Variants in WDPCP observed in about 807,000 individuals in gnomAD.
The protein encoded by WDPCP is WD repeat-containing and planar cell polarity effector protein fritz homolog.
A neutral mutation model predicts 93.1 loss-of-function variants in WDPCP; 71 were observed. That is an observed-to-expected ratio of 0.76 (90% CI 0.63 to 0.93). The LOEUF is 0.93. WDPCP is among the 40% of genes least tolerant of loss of function. The probability of loss-of-function intolerance (pLI) is 0.00; values close to 1 mark genes in which losing one functional copy is unlikely to be tolerated. For missense variants in WDPCP, 844 were observed against 887.4 expected (o/e 0.95, Z 0.62); for synonymous variants, 315 against 315.0 (o/e 1.00, Z 0.00).
chr2:63,668,032 A>T (rs1010511997), intron 2 of WDPCP, among the ~76,000 whole-genome samples: 1 of 152,166 alleles, frequency 6.6e-6, no homozygotes, highest in Non-Finnish European at 1.5e-5. Flanking sequence ...TAAGGCAATG[A>T]GTGCTAATTC....
chr2:63,226,587 T>G (rs564247401), intron 14 of WDPCP, among the ~76,000 whole-genome samples: 1 of 151,944 alleles, frequency 6.6e-6, no homozygotes, highest in African/African-American at 2.4e-5. Context: ...TCCCAGCTAT[T>G]CCTTCTGCTT....
chr2:63,520,782 G>A (rs1030152254), intron 1 of WDPCP, among the ~76,000 whole-genome samples: 5 of 151,564 alleles, frequency 3.3e-5, no homozygotes, highest in Admixed American at 2.0e-4. Context: ...TGTGGTCCCA[G>A]CTACTCAGAA....
chr2:63,287,086 C>T (rs1417610045), intron 13 of WDPCP, among the ~76,000 whole-genome samples: 1 of 152,194 alleles, frequency 6.6e-6, no homozygotes, highest in Non-Finnish European at 1.5e-5. Flanking sequence ...CATGGTCTTA[C>T]TTCTGTGCAC....
chr2:63,563,421 G>T (rs4671516), intron 1 of WDPCP, among the ~76,000 whole-genome samples: 122,031 of 151,696 alleles, frequency 0.8, 49,761 homozygotes, highest in East Asian at 0.98. Flanking sequence ...TCACTGATTA[G>T]AGGTTCTTCA....
intron 1 of WDPCP, among the ~76,000 whole-genome samples, chr2:63,538,948 A>G (rs1704511814): frequency 6.6e-6 from 1 of 152,188 alleles, no homozygotes; most frequent in Admixed American, 6.5e-5. Context: ...AAATATTTTC[A>G]AAACAATATA....
chr2:63,318,365 T>G lies in WDPCP; in HGVS notation c.1749-5054A>C, dbSNP rs572451119. On this transcript the variant is annotated intron_variant, in intron 12 of 17. Transcript: ENST00000272321. The stretch of plus-strand genomic sequence containing the variant: ...CTGTGGAAAGCAGTTTGGAGATTTC[T>G]CAAAGAACTTAAAACAGAACTACTA... Among the ~76,000 whole-genome samples, 4 of 152,294 alleles carry G rather than the reference T, an allele frequency of 2.6e-5. No homozygotes were observed. In the South Asian group the frequency reaches 8.3e-4, roughly 32 times the overall value.
intron 2 of WDPCP, 39 bp downstream of exon 2, chr2:63,492,817 T>C: frequency 6.4e-7 from 1 of 1,572,566 alleles, no homozygotes; most frequent in South Asian, 1.1e-5. Flanking sequence ...TGGTGTAACA[T>C]ATTTGAAAAA....
At chr2:63,592,783 A>G (rs1284846853), upstream of WDPCP, among the ~76,000 whole-genome samples, 1 of 152,214 alleles carries the variant, frequency 6.6e-6, no homozygotes, top group Non-Finnish European at 1.5e-5. Context: ...AGCAAATACC[A>G]GAGTTCCAAC....
At chr2:63,708,818 G>T (rs1669212621) in intron 2 of WDPCP, among the ~76,000 whole-genome samples, 1 of 151,820 alleles carries the variant, frequency 6.6e-6, no homozygotes, top group South Asian at 2.1e-4. Context: ...CATCGTGTTA[G>T]CCAGAATGGT....
intron 14 of WDPCP, chr2:63,228,387 C>CTTTTTTTTTTTTTTTT: frequency 1.8e-5 from 2 of 110,430 alleles, no homozygotes; most frequent in African/African-American, 3.5e-5. Flanking sequence ...TTTTCTTTTT[C>CTTTTTTTTTTTTTTTT]TTTTTTTTTT....
chr2:63,229,889 A>AG (rs1678676229), intron 14 of WDPCP: 3 of 149,022 alleles, frequency 2.0e-5, no homozygotes, highest in Non-Finnish European at 4.3e-5. Context: ...CTCCAGAAAA[A>AG]GGAAAAAAAA....
At chr2:63,681,527 A>C (rs138696281) in intron 2 of WDPCP, among the ~76,000 whole-genome samples, 1 of 152,216 alleles carries the variant, frequency 6.6e-6, no homozygotes, top group East Asian at 1.9e-4. Flanking sequence ...AGCTGCAAAC[A>C]ATGGAACACC....
chr2:63,283,097 G>A (rs1683695649), intron 13 of WDPCP, among the ~76,000 whole-genome samples: 1 of 152,120 alleles, frequency 6.6e-6, no homozygotes. Flanking sequence ...TGGCCTGACT[G>A]TGTATCAAAT....
chr2:63,835,949 T>C, the WDPCP span, among the ~76,000 whole-genome samples: 1 of 152,144 alleles, frequency 6.6e-6, no homozygotes, highest in Non-Finnish European at 1.5e-5. Flanking sequence ...CCGCCTCCCA[T>C]GTTCAAGTGA....
chr2:63,547,017 A>G (rs1705202164), intron 1 of WDPCP, among the ~76,000 whole-genome samples: 1 of 152,150 alleles, frequency 6.6e-6, no homozygotes, highest in Non-Finnish European at 1.5e-5. Context: ...ATTCCAGATT[A>G]GAGAGCTGGG....
intron 2 of WDPCP, among the ~76,000 whole-genome samples, chr2:63,686,131 G>A (rs2103650817): frequency 6.6e-6 from 1 of 152,064 alleles, no homozygotes; most frequent in Admixed American, 6.5e-5. Context: ...AGAAAGAAAG[G>A]GCATCCAAAG....
At chr2:63,174,569 C>A (rs1673654579) in intron 15 of WDPCP, 101 bp downstream of exon 15, 3 of 1,524,210 alleles carry the variant, frequency 2.0e-6, no homozygotes, top group South Asian at 1.1e-5. Flanking sequence ...AAATTTTTCT[C>A]CTTGACATTT....
chr2:63,557,450 A>C (rs1322425492), intron 1 of WDPCP, among the ~76,000 whole-genome samples: 1 of 152,220 alleles, frequency 6.6e-6, no homozygotes, highest in Non-Finnish European at 1.5e-5. Context: ...GAATTCAACA[A>C]GAAAAGCTAA....
intron 8 of WDPCP, among the ~76,000 whole-genome samples, chr2:63,435,454 G>A (rs1031016757): frequency 1.3e-5 from 2 of 152,134 alleles, no homozygotes; most frequent in South Asian, 2.1e-4. Flanking sequence ...TCTTATTTGA[G>A]AGAAATACCA....
Sources: gnomAD v4.1 joint callset for allele counts (sites outside exome capture counted in the v4.1 genomes callset) on GRCh38, gnomAD v4.1.1 for gene constraint, MANE v1.5 for transcripts, NCBI Gene and HGNC (gene_info 2026-07-23, HGNC 2026-07-21) for gene names.